Variants in ANKFN1 observed in about 807,000 individuals in gnomAD.
ANKFN1 encodes the protein ankyrin repeat and fibronectin type-III domain-containing protein 1.
ANKFN1 carries 74 observed loss-of-function variants against 108.7 expected under a neutral mutation model. The ratio of observed to expected loss-of-function variants is 0.68; its 90% CI spans 0.56 to 0.83. ANKFN1 has a LOEUF of 0.83. Ranked by LOEUF, ANKFN1 falls within the 40% of genes least tolerant of loss-of-function variation. The probability of loss-of-function intolerance (pLI) is 0.00; values close to 1 mark genes in which losing one functional copy is unlikely to be tolerated. For synonymous variants in ANKFN1, 547 were observed against 516.2 expected, an observed-to-expected ratio of 1.06 and a Z score of -0.81; for missense variants, 1,505 against 1,382.3, an observed-to-expected ratio of 1.09 and a Z score of -1.41.
intron 4 of ANKFN1, among the ~76,000 whole-genome samples, chr17:56,050,245 T>A: frequency 6.7e-6 from 1 of 149,930 alleles, no homozygotes; most frequent in African/African-American, 2.5e-5. Context: ...GGTTGTTTGT[T>A]TTTTTCTTGT....
At chr17:56,265,289 A>G (rs956523584) in intron 3 of ANKFN1, among the ~76,000 whole-genome samples, 3 of 152,196 alleles carry the variant, frequency 2.0e-5, no homozygotes, top group African/African-American at 7.2e-5. Context: ...GAAACTTACC[A>G]TCATGGCAGA....
At chr17:56,287,255 G>A (rs1385935989) in intron 3 of ANKFN1, among the ~76,000 whole-genome samples, 4 of 152,104 alleles carry the variant, frequency 2.6e-5, no homozygotes, top group African/African-American at 9.7e-5. Flanking sequence ...CAACCTCTAC[G>A]AACGGAAAAG....
intron 1 of ANKFN1, among the ~76,000 whole-genome samples, chr17:56,167,341 A>G (rs986992495): frequency 7.3e-6 from 1 of 136,606 alleles, no homozygotes; most frequent in South Asian, 2.3e-4. Flanking sequence ...ATATATATAT[A>G]TGTAATTGAA....
chr17:56,184,434 C>T (rs769620133), intron 1 of ANKFN1, among the ~76,000 whole-genome samples: 7 of 152,114 alleles, frequency 4.6e-5, no homozygotes, highest in Non-Finnish European at 8.8e-5. Flanking sequence ...TGCTGTTGCA[C>T]AATTAATAGA....
chr17:56,367,108 G>GA (rs1393814996), intron 6 of ANKFN1, among the ~76,000 whole-genome samples: 1 of 152,110 alleles, frequency 6.6e-6, no homozygotes, highest in Non-Finnish European at 1.5e-5. Context: ...CATAATAACA[G>GA]AAAAGCTGTT....
intron 4 of ANKFN1, among the ~76,000 whole-genome samples, chr17:56,340,765 A>T (rs1322462709): frequency 6.6e-6 from 1 of 152,130 alleles, no homozygotes; most frequent in Non-Finnish European, 1.5e-5. Context: ...CTTTTTGCTT[A>T]GGATTGTCTT....
At chr17:56,488,432 C>T (rs2050926008) in intron 18 of ANKFN1, among the ~76,000 whole-genome samples, 1 of 152,038 alleles carries the variant, frequency 6.6e-6, no homozygotes, top group South Asian at 2.1e-4. Context: ...CTGAAATGGG[C>T]CATAGGAAGG....
intron 17 of ANKFN1, among the ~76,000 whole-genome samples, chr17:56,481,923 C>T (rs75356724): frequency 2.0e-3 from 305 of 152,166 alleles, no homozygotes; most frequent in Middle Eastern, 3.4e-3. Flanking sequence ...GAGAAGGCTG[C>T]CTAACTGCCT....
rs781249429 is a variant in ANKFN1 at position 56,457,350 on chromosome 17, C to T, written c.1401C>T (p.His467=). 4 of 1,606,032 alleles carry T rather than the reference C, an allele frequency of 2.5e-6. No individual in the cohort carries two copies. Among genetic ancestry groups the T allele is most frequent in the Non-Finnish European group, 1.7e-6 (2 of 1,177,988 alleles). The change falls in exon 13 of 21, where the codon CAC becomes CAT. Residue 467 remains histidine, a synonymous_variant. Transcript: ENST00000682825. ...QVPIVEIDDS[H]TSSITQDFLW... is the part of the protein sequence containing the mutation. ...CAATTGTTGAAATAGATGACTCTCA[C>T]ACCAGTTCTATTACACAAGATTTTC...
At chr17:56,416,660 A>C (rs1235464588) in intron 8 of ANKFN1, among the ~76,000 whole-genome samples, 2 of 152,218 alleles carry the variant, frequency 1.3e-5, no homozygotes, top group African/African-American at 4.8e-5. Flanking sequence ...TTTCTCAAAA[A>C]ACTAAAAATA....
chr17:56,158,758 G>A (rs748338586), intron 1 of ANKFN1, among the ~76,000 whole-genome samples: 7 of 152,092 alleles, frequency 4.6e-5, no homozygotes, highest in Admixed American at 1.3e-4. Flanking sequence ...GCTAAACACC[G>A]CATGTATTTT....
intron 4 of ANKFN1, among the ~76,000 whole-genome samples, chr17:56,113,684 T>C (rs974912685): frequency 1.3e-5 from 2 of 152,170 alleles, no homozygotes; most frequent in Non-Finnish European, 2.9e-5. Flanking sequence ...GCCTGGAAAA[T>C]AAACATTGGG....
At chr17:56,195,101 C>A (rs1913388364) in intron 1 of ANKFN1, among the ~76,000 whole-genome samples, 2 of 152,118 alleles carry the variant, frequency 1.3e-5, no homozygotes, top group African/African-American at 4.8e-5. Context: ...AATATTTGAT[C>A]AACCTATTTG....
At chr17:56,506,802 G>A (rs1031256273) in intron 20 of ANKFN1, among the ~76,000 whole-genome samples, 1 of 152,024 alleles carries the variant, frequency 6.6e-6, no homozygotes, top group Non-Finnish European at 1.5e-5. Flanking sequence ...TAAGGTGGAT[G>A]GCAGCATAGC....
chr17:56,115,010 C>G (rs1287315462), intron 4 of ANKFN1, among the ~76,000 whole-genome samples: 1 of 152,140 alleles, frequency 6.6e-6, no homozygotes, highest in Non-Finnish European at 1.5e-5. Context: ...TAAATGCAGT[C>G]GTAGCAACAC....
chr17:56,051,430 G>C (rs1489328197), intron 4 of ANKFN1, among the ~76,000 whole-genome samples: 8 of 125,874 alleles, frequency 6.4e-5, no homozygotes, highest in South Asian at 3.0e-4. Flanking sequence ...AAAATAATAA[G>C]AGCTATCTAT....
intron 10 of ANKFN1, among the ~76,000 whole-genome samples, chr17:56,445,529 C>T (rs1035178029): frequency 5.9e-5 from 9 of 152,128 alleles, no homozygotes; most frequent in Admixed American, 2.6e-4. Flanking sequence ...GAAATCCTAA[C>T]GTGGTTATAG....
intron 1 of ANKFN1, chr17:56,156,650 G>A (rs1298694686): frequency 6.6e-6 from 1 of 152,254 alleles, no homozygotes; most frequent in East Asian, 1.9e-4. Flanking sequence ...GAAGGAGTAA[G>A]GTGACTTGTG....
rs967419072 is a variant in ANKFN1 at position 56,212,691 on chromosome 17, C to T, written c.12+12C>T. Among the ~76,000 whole-genome samples, 28 of 152,120 alleles carry T rather than the reference C, an allele frequency of 1.8e-4. No homozygotes were observed. Among genetic ancestry groups the T allele is most frequent in the African/African-American group, 5.6e-4 (23 of 41,420 alleles). ...ACATGAATGAGAAGGTTAGTTTTTC[C>T]GCAGTCCTCCTTGAGCCTATGCAAC... is the stretch of plus-strand genomic sequence containing the variant. On this transcript the variant is annotated intron_variant, in intron 2 of 20. Transcript: ENST00000682825.
Sources: gnomAD v4.1 joint callset for allele counts (sites outside exome capture counted in the v4.1 genomes callset) on GRCh38, gnomAD v4.1.1 for gene constraint, MANE v1.5 for transcripts, NCBI Gene and HGNC (gene_info 2026-07-23, HGNC 2026-07-21) for gene names.